Variants in TENM3 observed in about 807,000 individuals in gnomAD.
The protein encoded by TENM3 is teneurin-3.
Under a neutral mutation model 255.1 loss-of-function variants are expected in TENM3, and 63 were observed. The observed-to-expected ratio is 0.25, with a 90% CI of 0.20 to 0.30. The LOEUF (loss-of-function observed/expected upper bound fraction) is 0.30. TENM3 is among the 10% of genes least tolerant of loss of function. The pLI is 1.00. For missense variants in TENM3, 2,929 were observed against 3,461.1 expected, an observed-to-expected ratio of 0.85 and a Z score of 3.86; for synonymous variants, 1,306 against 1,322.3, an observed-to-expected ratio of 0.99 and a Z score of 0.27.
intron 3 of TENM3, among the ~76,000 whole-genome samples, chr4:182,454,759 AAAATG>A (rs1423689345): frequency 6.6e-6 from 1 of 152,234 alleles, no homozygotes; most frequent in African/African-American, 2.4e-5. Flanking sequence ...CAACTCCAAT[AAAATG>A]GCATTCTTGC....
the TENM3 span, among the ~76,000 whole-genome samples, chr4:182,095,643 C>T: frequency 6.6e-6 from 1 of 152,066 alleles, no homozygotes; most frequent in Non-Finnish European, 1.5e-5. Context: ...AGGAATAATA[C>T]CTGGTGTTCA....
the TENM3 span, among the ~76,000 whole-genome samples, chr4:181,906,927 G>A: frequency 1.3e-5 from 2 of 152,016 alleles, no homozygotes; most frequent in Non-Finnish European, 2.9e-5. Flanking sequence ...CGCCCAGGCT[G>A]GAGTGCCCTG....
chr4:182,275,000 T>C (rs951642098), intron 1 of TENM3, among the ~76,000 whole-genome samples: 30 of 152,046 alleles, frequency 2.0e-4, no homozygotes, highest in African/African-American at 7.0e-4. Context: ...AATTTTTGTA[T>C]TTTTAGTAGA....
At chr4:181,633,689 G>A in the TENM3 span, among the ~76,000 whole-genome samples, 1 of 152,224 alleles carries the variant, frequency 6.6e-6, no homozygotes. Flanking sequence ...ACTCAGAACT[G>A]ATGTCTGAAG....
At chr4:181,864,670 A>C in the TENM3 span, among the ~76,000 whole-genome samples, 35,684 of 151,698 alleles carry the variant, frequency 0.24, 7,386 homozygotes, top group East Asian at 0.65. Context: ...TAGGGGAGAT[A>C]TGATAGGATG....
the TENM3 span, among the ~76,000 whole-genome samples, chr4:181,968,607 T>A: frequency 6.6e-6 from 1 of 152,116 alleles, no homozygotes; most frequent in Non-Finnish European, 1.5e-5. Flanking sequence ...ATACAGAAAA[T>A]GTTTTAAATG....
chr4:182,410,056 G>A, intron 3 of TENM3, among the ~76,000 whole-genome samples: 1 of 152,098 alleles, frequency 6.6e-6, no homozygotes, highest in Admixed American at 6.6e-5. Context: ...TGAACTCCTG[G>A]ACTCAAGCTG....
At chr4:182,246,702 A>T (rs1042610621) in intron 1 of TENM3, among the ~76,000 whole-genome samples, 1 of 152,238 alleles carries the variant, frequency 6.6e-6, no homozygotes, top group Non-Finnish European at 1.5e-5. Context: ...TTCATAAGAA[A>T]TAGAGAGATA....
intron 3 of TENM3, among the ~76,000 whole-genome samples, chr4:182,348,592 C>A (rs1355284307): frequency 6.6e-6 from 1 of 152,192 alleles, no homozygotes; most frequent in African/African-American, 2.4e-5. Flanking sequence ...ACATCCATAG[C>A]TATCAAATAT....
At chr4:181,944,320 G>A in the TENM3 span, among the ~76,000 whole-genome samples, 1 of 152,024 alleles carries the variant, frequency 6.6e-6, no homozygotes, top group Non-Finnish European at 1.5e-5. Flanking sequence ...GATGTCCAAG[G>A]GAAGGAGAAG....
the TENM3 span, among the ~76,000 whole-genome samples, chr4:181,645,623 C>A: frequency 6.6e-6 from 1 of 152,218 alleles, no homozygotes; most frequent in African/African-American, 2.4e-5. Flanking sequence ...CTCAAAAAAA[C>A]CACACTGCAA....
intron 3 of TENM3, among the ~76,000 whole-genome samples, chr4:182,486,992 CT>C (rs944280137): frequency 3.9e-5 from 6 of 152,284 alleles, no homozygotes; most frequent in African/African-American, 1.4e-4. Flanking sequence ...TCTCTTTTCT[CT>C]TCCTCTATGT....
intron 3 of TENM3, among the ~76,000 whole-genome samples, chr4:182,469,073 A>T (rs1732873050): frequency 6.6e-6 from 1 of 152,188 alleles, no homozygotes; most frequent in Non-Finnish European, 1.5e-5. Flanking sequence ...CAGAAGGGTC[A>T]TCAACTGATT....
At chr4:182,391,216 A>G (rs887228755) in intron 3 of TENM3, among the ~76,000 whole-genome samples, 1 of 152,150 alleles carries the variant, frequency 6.6e-6, no homozygotes, top group Non-Finnish European at 1.5e-5. Flanking sequence ...GCCTGTGTAG[A>G]TTATGCCCAT....
chr4:181,580,016 A>T, the TENM3 span, among the ~76,000 whole-genome samples: 1 of 143,766 alleles, frequency 7.0e-6, no homozygotes, highest in South Asian at 2.2e-4. Flanking sequence ...TTATTTTTTG[A>T]GATGGAGCTT....
chr4:182,202,180 G>C (rs541981486), intron 1 of TENM3, among the ~76,000 whole-genome samples: 129 of 152,086 alleles, frequency 8.5e-4, no homozygotes, highest in African/African-American at 2.9e-3. Flanking sequence ...TTATAGCTCT[G>C]TTTAACTGGA....
chr4:181,630,529 G>C, the TENM3 span, among the ~76,000 whole-genome samples: 2 of 152,126 alleles, frequency 1.3e-5, no homozygotes, highest in Admixed American at 6.6e-5. Flanking sequence ...AGAGATTCTG[G>C]TATGTTGTGT....
At chr4:181,677,119 A>G in the TENM3 span, among the ~76,000 whole-genome samples, 1 of 151,306 alleles carries the variant, frequency 6.6e-6, no homozygotes. Context: ...ATTGTTTCCC[A>G]TAGAGAATTC....
chr4:181,870,186 A>T, the TENM3 span, among the ~76,000 whole-genome samples: 1 of 152,198 alleles, frequency 6.6e-6, no homozygotes, highest in Non-Finnish European at 1.5e-5. Flanking sequence ...ACTCTTGAAT[A>T]GTATTTCATT....
Sources: gnomAD v4.1 joint callset for allele counts (sites outside exome capture counted in the v4.1 genomes callset) on GRCh38, gnomAD v4.1.1 for gene constraint, MANE v1.5 for transcripts, NCBI Gene and HGNC (gene_info 2026-07-23, HGNC 2026-07-21) for gene names.